Variants in BOD1L2 observed in about 807,000 individuals in gnomAD.
BOD1L2 encodes the protein biorientation of chromosomes in cell division 1 like 2, also known as biorientation of chromosomes in cell division protein 1-like 2.
BOD1L2 carries 6 observed loss-of-function variants against 5.3 expected under a neutral mutation model. The observed-to-expected ratio is 1.14, with a 90% CI of 0.62 to 2.25. BOD1L2 has a LOEUF of 2.25. BOD1L2 is among the 30% of genes most tolerant of loss of function. The probability of loss-of-function intolerance (pLI) is 0.00; values close to 1 mark genes in which losing one functional copy is unlikely to be tolerated. For synonymous variants in BOD1L2, 96 were observed against 96.3 expected (o/e 1.00, Z 0.02); for missense variants, 210 against 227.2 (o/e 0.92, Z 0.49).
Position 57,147,377 on chromosome 18 carries a change from G to T in BOD1L2, c.65G>T (p.Gly22Val). Residue 22 changes from glycine (G) to valine (V), a missense_variant, in exon 1 of 1, where the codon GGC (glycine) becomes GTC (valine). Physicochemically the swap from Gly to Val is moderately radical, Grantham distance 109. Coordinates refer to ENST00000585477, the MANE Select transcript of BOD1L2 (RefSeq NM_001257964.2). ...AGPASTRASG[G>V]GGPINPASLP... ...CCGGCCTCGACCCGGGCCAGCGGGG[G>T]CGGCGGCCCCATCAACCCGGCCTCG... 6 of 1,520,740 alleles carry T rather than the reference G, an allele frequency of 3.9e-6. No individual in the cohort carries two copies. Among genetic ancestry groups the T allele is most frequent in the Non-Finnish European group, 5.3e-6 (6 of 1,138,486 alleles). 94.2% of individuals were successfully genotyped at this position (1,520,740 alleles called of 1,614,324 possible). A position where few individuals can be genotyped will look rare whatever the true frequency, so the allele number is the denominator to read the frequency against.
At position 57,147,329 on chromosome 18, in the gene BOD1L2, G is replaced by A; in HGVS notation, c.17G>A (p.Gly6Asp). 1 of 1,201,278 alleles carries A rather than the reference G, an allele frequency of 8.3e-7. No homozygotes were observed. Among genetic ancestry groups the A allele is most frequent in the Non-Finnish European group, 1.0e-6 (1 of 972,176 alleles). The allele number at this position is 1,201,278 out of a possible 1,614,324, so 74.4% of individuals were successfully genotyped here. The change falls in exon 1 of 1, where the codon GGC becomes GAC. Residue 6 changes from glycine (G) to aspartate (D), a missense_variant. Transcript: ENST00000585477. MADGG[G>D]GGSGGAGPAS... ...TGCGCAGCCATGGCGGACGGTGGCG[G>A]CGGCGGCAGCGGCGGTGCGGGCCCG...
chr18:57,148,234 CA>C lies in BOD1L2; in HGVS notation c.*406del, dbSNP rs1428146693. On this transcript the variant is annotated 3_prime_UTR_variant, in exon 1 of 1. Coordinates refer to ENST00000585477, the MANE Select transcript of BOD1L2 (RefSeq NM_001257964.2). ...ACATAACCAATCCCAAAGACAATTT[CA>C]AAGAACAATGACAGTAAAGGTTAAC... 7 of 169,166 alleles carry C rather than the reference CA, an allele frequency of 4.1e-5. No individual in the cohort carries two copies. The highest frequency in any genetic ancestry group is 7.8e-5 in the Non-Finnish European group (6 of 77,042). 10.5% of individuals were successfully genotyped at this position (169,166 alleles called of 1,614,324 possible). A position where few individuals can be genotyped will look rare whatever the true frequency, so the allele number is the denominator to read the frequency against.
At position 57,147,308 on chromosome 18, in the gene BOD1L2, C is replaced by T; in HGVS notation, c.-5C>T. On this transcript the variant is annotated 5_prime_UTR_variant, in exon 1 of 1. Coordinates refer to ENST00000585477, the MANE Select transcript of BOD1L2 (RefSeq NM_001257964.2). ...TCGGTTTCCTTGTGGGCCCGGTGCG[C>T]AGCCATGGCGGACGGTGGCGGCGGC... 8.5e-7 allele frequency: 1 copy of T among 1,170,706 alleles called. No individual in the cohort carries two copies. The highest frequency in any genetic ancestry group is 1.1e-6 in the Non-Finnish European group (1 of 952,212). The allele number at this position is 1,170,706 out of a possible 1,614,324, so 72.5% of individuals were successfully genotyped here.
In BOD1L2 at chr18:57,149,853, A is replaced by G. The variant is rs2048946126; in HGVS notation, c.*2022A>G. On this transcript the variant is annotated 3_prime_UTR_variant, in exon 1 of 1. Coordinates refer to ENST00000585477, the MANE Select transcript of BOD1L2 (RefSeq NM_001257964.2). The stretch of plus-strand genomic sequence containing the variant: ...AAAAGGAACCTAATTTCTGCTTTTA[A>G]GAAATGTGTTGCGGAAGTGATTTTT... 2 of 152,206 alleles carry G rather than the reference A, an allele frequency of 1.3e-5. No individual in the cohort carries two copies. Among genetic ancestry groups the G allele is most frequent in the Admixed American group, 1.3e-4 (2 of 15,280 alleles). The allele number at this position is 152,206 out of a possible 1,614,324, so 9.4% of individuals were successfully genotyped here.
In BOD1L2 at chr18:57,149,446, G is replaced by A. The variant is rs2048944381; in HGVS notation, c.*1615G>A. ...AACAAAAATTAATTTTGCATCTAGT[G>A]TCTACATGTCTAAGCAAGAAAGAGC... On this transcript the variant is annotated 3_prime_UTR_variant, in exon 1 of 1. Coordinates refer to ENST00000585477, the MANE Select transcript of BOD1L2 (RefSeq NM_001257964.2). The A allele has an allele frequency of 6.6e-6, 1 of 152,164 alleles. No homozygotes were observed. The highest frequency in any genetic ancestry group is 1.5e-5 in the Non-Finnish European group (1 of 68,038). 9.4% of individuals were successfully genotyped at this position (152,164 alleles called of 1,614,324 possible).
rs1478634290 is a variant in BOD1L2 at position 57,150,213 on chromosome 18, T to C, written c.*2382T>C. 1.3e-5 allele frequency: 2 copies of C among 152,210 alleles called. No individual in the cohort carries two copies. The highest frequency in any genetic ancestry group is 4.8e-5 in the African/African-American group (2 of 41,452). The allele number at this position is 152,210 out of a possible 1,614,324, so 9.4% of individuals were successfully genotyped here. On this transcript the variant is annotated 3_prime_UTR_variant, in exon 1 of 1. Coordinates refer to ENST00000585477, the MANE Select transcript of BOD1L2 (RefSeq NM_001257964.2). ...GCCTGAATGCTTCCCGTTCCCACCA[T>C]GAGTTTGGCAAATGGAAAATGCTAA... is the stretch of plus-strand genomic sequence containing the variant.
chr18:57,147,491 A>G lies in BOD1L2; in HGVS notation c.179A>G (p.Lys60Arg), dbSNP rs756060960. 7.0e-6 allele frequency: 11 copies of G among 1,581,344 alleles called. No individual in the cohort carries two copies. The highest frequency in any genetic ancestry group is 5.4e-5 in the Admixed American group (3 of 55,294). Residue 60 changes from lysine (K) to arginine (R), a missense_variant, in exon 1 of 1, where the codon AAG becomes AGG. Coordinates refer to ENST00000585477, the MANE Select transcript of BOD1L2 (RefSeq NM_001257964.2). ...GLFDSFRRDC[K>R]ADVDTKPAYQ... ...TTTGACAGCTTCCGCCGGGACTGCAAGGCTGACGTGGACACCAAGCCAGCT... is the reference window on the plus strand; with the variant it reads ...TTTGACAGCTTCCGCCGGGACTGCAGGGCTGACGTGGACACCAAGCCAGCT...
At position 57,147,977 on chromosome 18, in the gene BOD1L2, G is replaced by T. The variant is rs1383903544; in HGVS notation, c.*146G>T. ...CCACCTCGACCATGAGCAGTGACCAGATTGAAAGGGAAGCAAGTTCGCCAG... is the reference window on the plus strand; with the variant it reads ...CCACCTCGACCATGAGCAGTGACCATATTGAAAGGGAAGCAAGTTCGCCAG... On this transcript the variant is annotated 3_prime_UTR_variant, in exon 1 of 1. Transcript: ENST00000585477. 7.4e-6 allele frequency: 7 copies of T among 946,530 alleles called. No individual in the cohort carries two copies. In the Admixed American group the frequency reaches 1.8e-4, roughly 24 times the overall value. The allele number at this position is 946,530 out of a possible 1,614,324, so 58.6% of individuals were successfully genotyped here.
chr18:57,147,165 C>A lies in BOD1L2; in HGVS notation c.-148C>A, dbSNP rs763400525. ...CCACCGCCGCCCCAACCACCGGCCC[C>A]GCCGCCATCACCACCACCGTCACCT... On this transcript the variant is annotated 5_prime_UTR_variant, in exon 1 of 1. Transcript: ENST00000585477. The A allele has an allele frequency of 1.3e-5, 13 of 1,023,102 alleles. No individual in the cohort carries two copies. In the South Asian group the frequency reaches 4.6e-4, roughly 36 times the overall value. 63.4% of individuals were successfully genotyped at this position (1,023,102 alleles called of 1,614,324 possible).
Position 57,147,207 on chromosome 18 carries a change from G to A in BOD1L2, c.-106G>A. 1.9e-6 allele frequency: 2 copies of A among 1,070,366 alleles called. No individual in the cohort carries two copies. The highest frequency in any genetic ancestry group is 2.3e-6 in the Non-Finnish European group (2 of 883,080). The allele number at this position is 1,070,366 out of a possible 1,614,324, so 66.3% of individuals were successfully genotyped here. ...CCGTCACCTCCGCCGCTGCCTCCTT[G>A]GGGCCCTCCTCCTTCACCGCCCCCT... On this transcript the variant is annotated 5_prime_UTR_variant, in exon 1 of 1. Transcript: ENST00000585477.
rs754849929 is a variant in BOD1L2 at position 57,147,401 on chromosome 18, C to T, written c.89C>T (p.Ser30Leu). 125 of 1,536,590 alleles carry T rather than the reference C, an allele frequency of 8.1e-5. No individual in the cohort carries two copies. In the East Asian group the frequency reaches 1.5e-3, roughly 18 times the overall value. Residue 30 changes from serine to leucine, a missense_variant, in exon 1 of 1, where the codon TCG (serine) becomes TTG (leucine). Transcript: ENST00000585477. ...GGCGGCGGCCCCATCAACCCGGCCT[C>T]GTTGCCCCCTGGCGACCCTCAGCTC... is the stretch of plus-strand genomic sequence containing the variant. ...SGGGGPINPA[S>L]LPPGDPQLIA...
chr18:57,147,696 A>C lies in BOD1L2; in HGVS notation c.384A>C (p.Leu128=), dbSNP rs73958875. 7.7e-4 allele frequency: 1,246 copies of C among 1,613,414 alleles called. 12 individuals are homozygous for C. In the African/African-American group the frequency reaches 0.015, roughly 19 times the overall value. ...GTTCTCAGGTGGTGGATCCAAAACT[A>C]AACCACATCTTCAGGCCACAAATAG... ...RISSQVVDPK[L]NHIFRPQIEQ... is the part of the protein sequence containing the mutation. The change falls in exon 1 of 1, where the codon CTA becomes CTC. Residue 128 remains leucine, a synonymous_variant. Coordinates refer to ENST00000585477, the MANE Select transcript of BOD1L2 (RefSeq NM_001257964.2).
rs551729631 is a variant in BOD1L2, at chr18:57,147,342, C to T, written c.30C>T (p.Gly10=). 59 of 1,243,984 alleles carry T rather than the reference C, an allele frequency of 4.7e-5. No homozygotes were observed. In the East Asian group the frequency reaches 1.2e-3, roughly 25 times the overall value. 77.1% of individuals were successfully genotyped at this position (1,243,984 alleles called of 1,614,324 possible). The part of the protein sequence containing the change: MADGGGGGS[G]GAGPASTRAS... Reference sequence around the variant, plus strand: ...CGGACGGTGGCGGCGGCGGCAGCGGCGGTGCGGGCCCGGCCTCGACCCGGG... The same window carrying T: ...CGGACGGTGGCGGCGGCGGCAGCGGTGGTGCGGGCCCGGCCTCGACCCGGG... Residue 10 remains glycine, a synonymous_variant, in exon 1 of 1, where the codon GGC becomes GGT. Transcript: ENST00000585477.
At position 57,147,343 on chromosome 18, in the gene BOD1L2, G is replaced by A. The variant is rs2048927043; in HGVS notation, c.31G>A (p.Gly11Ser). 3.2e-6 allele frequency: 4 copies of A among 1,249,400 alleles called. No individual in the cohort carries two copies. Among genetic ancestry groups the A allele is most frequent in the African/African-American group, 1.6e-5 (1 of 63,204 alleles). The allele number at this position is 1,249,400 out of a possible 1,614,324, so 77.4% of individuals were successfully genotyped here. A position where few individuals can be genotyped will look rare whatever the true frequency, so the allele number is the denominator to read the frequency against. The change falls in exon 1 of 1, where the codon GGT becomes AGT. Residue 11 changes from glycine to serine, a missense_variant. Transcript: ENST00000585477. Reference protein sequence around the residue: MADGGGGGSGGAGPASTRASG... With the variant: MADGGGGGSGSAGPASTRASG... ...GGACGGTGGCGGCGGCGGCAGCGGC[G>A]GTGCGGGCCCGGCCTCGACCCGGGC...
Position 57,147,193 on chromosome 18 carries a change from G to A in BOD1L2, c.-120G>A, listed in dbSNP as rs1394679190. ...CGCCATCACCACCACCGTCACCTCCGCCGCTGCCTCCTTGGGGCCCTCCTC... is the reference window on the plus strand; with the variant it reads ...CGCCATCACCACCACCGTCACCTCCACCGCTGCCTCCTTGGGGCCCTCCTC... On this transcript the variant is annotated 5_prime_UTR_variant, in exon 1 of 1. Coordinates refer to ENST00000585477, the MANE Select transcript of BOD1L2 (RefSeq NM_001257964.2). 7 of 1,054,770 alleles carry A rather than the reference G, an allele frequency of 6.6e-6. No individual in the cohort carries two copies. The highest frequency in any genetic ancestry group is 8.0e-6 in the Non-Finnish European group (7 of 871,188). 65.3% of individuals were successfully genotyped at this position (1,054,770 alleles called of 1,614,324 possible).
rs1272544709 is a variant in BOD1L2, at chr18:57,147,433, A to G, written c.121A>G (p.Ile41Val). ...CCCTGGCGACCCTCAGCTCATCGCT[A>G]TCATCGTGGGGCAGCTCAAGAGCAG... ...LPPGDPQLIA[I>V]IVGQLKSRGL... is the part of the protein sequence containing the mutation. The change falls in exon 1 of 1, where the codon ATC becomes GTC. Residue 41 changes from isoleucine to valine, a missense_variant. Transcript: ENST00000585477. 1 of 1,543,528 alleles carries G rather than the reference A, an allele frequency of 6.5e-7. No individual in the cohort carries two copies. Among genetic ancestry groups the G allele is most frequent in the African/African-American group, 1.4e-5 (1 of 73,090 alleles).
At position 57,147,150 on chromosome 18, in the gene BOD1L2, C is replaced by G. The variant is rs1376678110; in HGVS notation, c.-163C>G. ...TGGAGCTGGCCTCCCCCACCGCCGC[C>G]CCAACCACCGGCCCCGCCGCCATCA... On this transcript the variant is annotated 5_prime_UTR_variant, in exon 1 of 1. Coordinates refer to ENST00000585477, the MANE Select transcript of BOD1L2 (RefSeq NM_001257964.2). The G allele has an allele frequency of 2.0e-6, 2 of 983,732 alleles. No individual in the cohort carries two copies. Among genetic ancestry groups the G allele is most frequent in the Admixed American group, 5.5e-5 (1 of 18,250 alleles). The allele number at this position is 983,732 out of a possible 1,614,324, so 60.9% of individuals were successfully genotyped here.
At position 57,150,346 on chromosome 18, in the gene BOD1L2, T is replaced by C. The variant is rs1416242608; in HGVS notation, c.*2515T>C. 2.6e-5 allele frequency: 4 copies of C among 152,200 alleles called. No individual in the cohort carries two copies. Among genetic ancestry groups the C allele is most frequent in the Non-Finnish European group, 1.5e-5 (1 of 68,040 alleles). 9.4% of individuals were successfully genotyped at this position (152,200 alleles called of 1,614,324 possible). A position where few individuals can be genotyped will look rare whatever the true frequency, so the allele number is the denominator to read the frequency against. Reference sequence around the variant, plus strand: ...GCGTGCGTGCATGCCTGCCCACTGGTCCCTGCTAAATAATTCCCTTCTTGC... The same window carrying C: ...GCGTGCGTGCATGCCTGCCCACTGGCCCCTGCTAAATAATTCCCTTCTTGC... On this transcript the variant is annotated 3_prime_UTR_variant, in exon 1 of 1. Coordinates refer to ENST00000585477, the MANE Select transcript of BOD1L2 (RefSeq NM_001257964.2).
rs775655477 is a variant in BOD1L2 at position 57,147,930 on chromosome 18, T to G, written c.*99T>G. 1.6e-6 allele frequency: 2 copies of G among 1,258,882 alleles called. No homozygotes were observed. The highest frequency in any genetic ancestry group is 2.2e-6 in the Non-Finnish European group (2 of 923,482). The allele number at this position is 1,258,882 out of a possible 1,614,324, so 78.0% of individuals were successfully genotyped here. On this transcript the variant is annotated 3_prime_UTR_variant, in exon 1 of 1. Coordinates refer to ENST00000585477, the MANE Select transcript of BOD1L2 (RefSeq NM_001257964.2). ...AGTTTCAGATTGAAGATAAGCCAAG[T>G]TCATCACTGAGCTCAAGATTTCCAC...
Sources: gnomAD v4.1 joint callset for allele counts on GRCh38, gnomAD v4.1.1 for gene constraint, MANE v1.5 for transcripts, NCBI Gene and HGNC (gene_info 2026-07-23, HGNC 2026-07-21) for gene names.